Variants in MTCL1 observed in about 807,000 individuals in gnomAD.
The protein encoded by MTCL1 is microtubule crosslinking factor 1.
MTCL1 carries 79 observed loss-of-function variants against 141.4 expected under a neutral mutation model. That is an observed-to-expected ratio of 0.56 (90% CI 0.47 to 0.67). The LOEUF is 0.67. Ranked by LOEUF, MTCL1 falls within the 30% of genes least tolerant of loss-of-function variation. MTCL1 has a pLI of 0.00. For synonymous variants in MTCL1, 914 were observed against 875.8 expected (o/e 1.04, Z -0.77); for missense variants, 2,177 against 2,113.9 (o/e 1.03, Z -0.59).
At chr18:8,829,570 C>G (rs1040296193) in intron 16 of MTCL1, 1 of 984,726 alleles carries the variant, frequency 1.0e-6, no homozygotes, top group Non-Finnish European at 1.2e-6. Context: ...GACCTTCCCT[C>G]AGAATTGCTT....
chr18:8,829,825 C>G, intron 16 of MTCL1: 9 of 985,290 alleles, frequency 9.1e-6, no homozygotes, highest in Non-Finnish European at 1.1e-5. Flanking sequence ...CGGGAAAGCG[C>G]AGCATCGTTT....
chr18:8,819,839 G>A (rs2076783913), intron 13 of MTCL1, among the ~76,000 whole-genome samples: 2 of 152,204 alleles, frequency 1.3e-5, no homozygotes, highest in South Asian at 2.1e-4. Flanking sequence ...TCGAACTCCT[G>A]GGCTCAAGTG....
chr18:8,784,583 C>T (rs1239653117), exon 6 of MTCL1: 2 of 1,610,708 alleles, frequency 1.2e-6, no homozygotes, highest in Non-Finnish European at 8.5e-7. Flanking sequence ...TGCGCCCTTA[C>T]CGGGGCCTGG....
At chr18:8,709,997 G>A (rs1392496835) in intron 1 of MTCL1, among the ~76,000 whole-genome samples, 1 of 152,032 alleles carries the variant, frequency 6.6e-6, no homozygotes, top group Non-Finnish European at 1.5e-5. Context: ...CCGCCACCAC[G>A]CCCAGCTAGT....
At chr18:8,720,883 A>G (rs1468732992) in intron 4 of MTCL1, among the ~76,000 whole-genome samples, 1 of 152,092 alleles carries the variant, frequency 6.6e-6, no homozygotes, top group Admixed American at 6.6e-5. Context: ...GGAGCCTATT[A>G]TTGCTAGAAT....
At chr18:8,741,528 A>G (rs967108997) in intron 4 of MTCL1, among the ~76,000 whole-genome samples, 1 of 152,210 alleles carries the variant, frequency 6.6e-6, no homozygotes, top group African/African-American at 2.4e-5. Context: ...AAACTGTGCA[A>G]CTAAGTAAAA....
Position 8,779,485 on chromosome 18 carries a change from G to A in MTCL1, c.417+1593G>A, listed in dbSNP as rs919067532. 6.6e-6 allele frequency among the ~76,000 whole-genome samples: 1 copy of A among 152,124 alleles called. No individual in the cohort carries two copies. The highest frequency in any genetic ancestry group is 1.5e-5 in the Non-Finnish European group (1 of 68,022). ...AGATAAGATGGGCATCCAGCCTCCCGCTGCCTGAGCTGAAGCTGTGATTCC... is the reference window on the plus strand; with the variant it reads ...AGATAAGATGGGCATCCAGCCTCCCACTGCCTGAGCTGAAGCTGTGATTCC... On this transcript the variant is annotated intron_variant, in intron 5 of 16. Coordinates refer to ENST00000359865, the Ensembl canonical transcript of MTCL1. This position sits in a 1 kb window ranked among gnomAD's most constrained non-coding sequence, Gnocchi z 4.1.
chr18:8,724,061 G>A (rs919667396), intron 4 of MTCL1, among the ~76,000 whole-genome samples: 5 of 152,148 alleles, frequency 3.3e-5, no homozygotes, highest in Admixed American at 6.5e-5. Context: ...GTTTTAGAGC[G>A]AGATAGAGGT....
In MTCL1 at chr18:8,755,568, C is replaced by G. The variant is rs78297639; in HGVS notation, c.358-22265C>G. On this transcript the variant is annotated intron_variant, in intron 4 of 16. Coordinates refer to ENST00000359865, the Ensembl canonical transcript of MTCL1. ...ACCAGGTCTGTCCCAGAAAACCTTC[C>G]TGAGGCCATGCAGCTTCTGAGTTCC... Among the ~76,000 whole-genome samples, 202 of 152,328 alleles carry G rather than the reference C, an allele frequency of 1.3e-3. 1 individual carries two copies. Among genetic ancestry groups the G allele is most frequent in the African/African-American group, 4.7e-3 (196 of 41,570 alleles).
chr18:8,778,509 G>C (rs2096520747), intron 5 of MTCL1, among the ~76,000 whole-genome samples: 1 of 152,196 alleles, frequency 6.6e-6, no homozygotes, highest in South Asian at 2.1e-4. Context: ...AGAGCAAGTA[G>C]TAATTAGAGA....
At chr18:8,721,537 C>T (rs2096172665) in intron 4 of MTCL1, among the ~76,000 whole-genome samples, 1 of 152,184 alleles carries the variant, frequency 6.6e-6, no homozygotes, top group South Asian at 2.1e-4. Flanking sequence ...CCTCCCTGCT[C>T]TTCCCATGCA....
intron 10 of MTCL1, among the ~76,000 whole-genome samples, chr18:8,798,962 C>T (rs1247680816): frequency 6.6e-6 from 1 of 152,220 alleles, no homozygotes; most frequent in African/African-American, 2.4e-5. Context: ...CTGTCTCGCT[C>T]TCAGGCTTCT....
chr18:8,818,021 T>A (rs2076715215), intron 12 of MTCL1, among the ~76,000 whole-genome samples: 1 of 152,082 alleles, frequency 6.6e-6, no homozygotes, highest in Admixed American at 6.6e-5. Flanking sequence ...TCCTTGTGAT[T>A]TCATATGGGC....
Position 8,830,650 on chromosome 18 carries a change from C to A in MTCL1, c.*19-957C>A, listed in dbSNP as rs11876973. The A allele has an allele frequency of 1.6e-3, 1,530 of 985,564 alleles. 14 individuals carry two copies. In the African/African-American group the frequency reaches 0.024, roughly 15 times the overall value. The allele number at this position is 985,564 out of a possible 1,614,324, so 61.1% of individuals were successfully genotyped here. On this transcript the variant is annotated intron_variant, in intron 16 of 16. Transcript: ENST00000359865. The surrounding 1 kb of genome is among the most constrained non-coding windows in gnomAD (Gnocchi z 6.4). ...TTGAGGGTCCTTGTTCTCTGTCATC[C>A]TTCCTGTGCCTTCCATTCAGTTCAC...
intron 12 of MTCL1, 121 bp downstream of exon 11, chr18:8,813,354 C>A: frequency 1.7e-6 from 2 of 1,191,112 alleles, no homozygotes; most frequent in Non-Finnish European, 2.3e-6. Flanking sequence ...CATGGGCTTC[C>A]AAAGGAAGAG....
chr18:8,740,247 G>T (rs1265515055), intron 4 of MTCL1, among the ~76,000 whole-genome samples: 1 of 152,184 alleles, frequency 6.6e-6, no homozygotes, highest in Non-Finnish European at 1.5e-5. Flanking sequence ...TTTAAAGCAG[G>T]TTGTTTTCCC....
At chr18:8,781,390 A>G (rs1300990992) in intron 5 of MTCL1, among the ~76,000 whole-genome samples, 4 of 152,088 alleles carry the variant, frequency 2.6e-5, no homozygotes, top group African/African-American at 7.2e-5. Context: ...CCTTACTTCA[A>G]GTTAGTCACA....
rs1023028596 is a variant in MTCL1 at position 8,721,913 on chromosome 18, G to A, written c.357+1417G>A. On this transcript the variant is annotated intron_variant, in intron 4 of 16. Coordinates refer to ENST00000359865, the Ensembl canonical transcript of MTCL1. Reference sequence around the variant, plus strand: ...CCTGGCACATGCTGGGTGGAGGAGTGAATGAAGGGGGCGGAGCATAGAGCT... The same window carrying A: ...CCTGGCACATGCTGGGTGGAGGAGTAAATGAAGGGGGCGGAGCATAGAGCT... Among the ~76,000 whole-genome samples, 47 of 152,158 alleles carry A rather than the reference G, an allele frequency of 3.1e-4. 1 individual carries two copies.
At chr18:8,736,003 A>G (rs1190006825) in intron 4 of MTCL1, among the ~76,000 whole-genome samples, 1 of 152,180 alleles carries the variant, frequency 6.6e-6, no homozygotes, top group Non-Finnish European at 1.5e-5. Context: ...GCCTACTATC[A>G]TATATTAAGG....
Sources: gnomAD v4.1 joint callset for allele counts (sites outside exome capture counted in the v4.1 genomes callset) on GRCh38, gnomAD v4.1.1 for gene constraint, Gnocchi (gnomAD v3.1) non-coding constraint, MANE v1.5 for transcripts, NCBI Gene and HGNC (gene_info 2026-07-23, HGNC 2026-07-21) for gene names.